GPBP1L1: variants seen among roughly 807,000 people sequenced by gnomAD.
GPBP1L1 encodes vasculin-like protein 1.
In GPBP1L1, 23 loss-of-function variants were observed where a neutral mutation model predicts 52.5. The ratio of observed to expected loss-of-function variants is 0.44; its 90% CI spans 0.32 to 0.62. GPBP1L1 has a LOEUF of 0.62. Ranked by LOEUF, GPBP1L1 falls within the 20% of genes least tolerant of loss-of-function variation. The probability of loss-of-function intolerance (pLI) is 0.06; values close to 1 mark genes in which losing one functional copy is unlikely to be tolerated. For missense variants in GPBP1L1, 596 were observed against 579.3 expected (o/e 1.03, Z -0.30); for synonymous variants, 243 against 203.1 (o/e 1.20, Z -1.67).
chr1:45,663,050 C>CAAA (rs66502921), intron 2 of GPBP1L1, among the ~76,000 whole-genome samples: 7 of 117,222 alleles, frequency 6.0e-5, no homozygotes, highest in South Asian at 3.2e-4. Context: ...GACTCTGTCT[C>CAAA]AAAAAAAAAA....
chr1:45,649,217 TTGA>T (rs1480322756), intron 6 of GPBP1L1, among the ~76,000 whole-genome samples: 1 of 152,216 alleles, frequency 6.6e-6, no homozygotes, highest in African/African-American at 2.4e-5. Flanking sequence ...GTTGCAGGAC[TTGA>T]TGCCACTTAC....
intron 8 of GPBP1L1, chr1:45,634,940 A>G (rs1486141053): frequency 6.6e-6 from 1 of 152,222 alleles, no homozygotes; most frequent in Non-Finnish European, 1.5e-5. Flanking sequence ...AGCAAATGAA[A>G]AACTTCCAAC....
chr1:45,675,196 C>CTGAG (rs1645124353), intron 2 of GPBP1L1, among the ~76,000 whole-genome samples: 1 of 152,002 alleles, frequency 6.6e-6, no homozygotes, highest in Non-Finnish European at 1.5e-5. Flanking sequence ...ACTTGGGAGG[C>CTGAG]TGAGGCAGGA....
intron 6 of GPBP1L1, among the ~76,000 whole-genome samples, chr1:45,642,986 C>A (rs954969695): frequency 6.6e-6 from 1 of 151,958 alleles, no homozygotes; most frequent in Non-Finnish European, 1.5e-5. Flanking sequence ...TGTCTTCACA[C>A]GGGTCACAGT....
At position 45,641,119 on chromosome 1, in the gene GPBP1L1, CCT is replaced by C. The variant is rs138551680; in HGVS notation, c.551-718_551-717del. 3.0e-3 allele frequency among the ~76,000 whole-genome samples: 458 copies of C among 152,174 alleles called. 3 individuals carry two copies. Among genetic ancestry groups the C allele is most frequent in the East Asian group, 0.022 (115 of 5,180 alleles). On this transcript the variant is annotated intron_variant, in intron 7 of 12. Transcript: ENST00000355105. The stretch of plus-strand genomic sequence containing the variant: ...CAGGGATTGGAGTCTGCCATGAAAC[CCT>C]CTGATGAGGCAAACTGGAGCAAAGG...
At chr1:45,632,355 A>G (rs1195632816) in intron 10 of GPBP1L1, among the ~76,000 whole-genome samples, 1 of 152,056 alleles carries the variant, frequency 6.6e-6, no homozygotes, top group Non-Finnish European at 1.5e-5. Context: ...GTAAGCTGAG[A>G]TTGCTCCATT....
chr1:45,684,594 C>T (rs545955296), intron 2 of GPBP1L1, among the ~76,000 whole-genome samples: 2 of 151,972 alleles, frequency 1.3e-5, no homozygotes, highest in Non-Finnish European at 2.9e-5. Context: ...AGAGTTCCCC[C>T]CACACCACAA....
At chr1:45,674,027 G>A (rs1400538668) in intron 2 of GPBP1L1, among the ~76,000 whole-genome samples, 4 of 152,160 alleles carry the variant, frequency 2.6e-5, no homozygotes, top group Admixed American at 6.5e-5. Flanking sequence ...GCAGTGAGCC[G>A]AGATTGTGCC....
intron 3 of GPBP1L1, among the ~76,000 whole-genome samples, chr1:45,659,597 A>G (rs957818300): frequency 1.3e-5 from 2 of 152,226 alleles, no homozygotes; most frequent in Non-Finnish European, 2.9e-5. Context: ...ACACTTATGA[A>G]AAGAGATTAA....
At chr1:45,649,251 A>C (rs2148459143) in intron 6 of GPBP1L1, among the ~76,000 whole-genome samples, 1 of 152,324 alleles carries the variant, frequency 6.6e-6, no homozygotes, top group African/African-American at 2.4e-5. Context: ...GTATTTCCTT[A>C]AAAGGATATC....
intron 6 of GPBP1L1, among the ~76,000 whole-genome samples, chr1:45,643,856 G>A (rs1225404377): frequency 1.3e-5 from 2 of 151,926 alleles, no homozygotes; most frequent in Non-Finnish European, 2.9e-5. Context: ...TTTTAGTACA[G>A]ACAGGGTTTC....
intron 6 of GPBP1L1, among the ~76,000 whole-genome samples, chr1:45,654,059 A>G (rs1394196549): frequency 6.6e-6 from 1 of 152,162 alleles, no homozygotes; most frequent in Non-Finnish European, 1.5e-5. Context: ...TGAAAATGCT[A>G]CCTTTGATTT....
intron 8 of GPBP1L1, among the ~76,000 whole-genome samples, chr1:45,636,287 G>C (rs995641859): frequency 2.0e-5 from 3 of 152,012 alleles, no homozygotes; most frequent in Non-Finnish European, 2.9e-5. Context: ...CTTTTCAATG[G>C]ATGTAAGTAT....
chr1:45,648,357 T>C (rs1644778389), intron 6 of GPBP1L1, among the ~76,000 whole-genome samples: 1 of 152,238 alleles, frequency 6.6e-6, no homozygotes, highest in Non-Finnish European at 1.5e-5. Context: ...CAAACTACTG[T>C]GTGGTTTGAA....
chr1:45,655,050 G>T, intron 5 of GPBP1L1, 140 bp downstream of exon 5: 3 of 1,100,716 alleles, frequency 2.7e-6, no homozygotes, highest in Non-Finnish European at 4.0e-6. Flanking sequence ...CAATGTAGTT[G>T]CGTAATGACT....
At chr1:45,668,099 C>T (rs781652354) in intron 2 of GPBP1L1, among the ~76,000 whole-genome samples, 1 of 152,082 alleles carries the variant, frequency 6.6e-6, no homozygotes, top group South Asian at 2.1e-4. Flanking sequence ...CCTCACTCAC[C>T]CATTTATTCC....
upstream of GPBP1L1, chr1:45,687,249 C>T (rs1313219187): frequency 1.3e-5 from 2 of 152,312 alleles, no homozygotes; most frequent in Admixed American, 6.5e-5. Context: ...GCGACAGTGC[C>T]GTTTCTCCTA....
intron 6 of GPBP1L1, among the ~76,000 whole-genome samples, chr1:45,648,054 C>G (rs980993507): frequency 2.0e-5 from 3 of 152,150 alleles, no homozygotes; most frequent in Admixed American, 6.5e-5. Context: ...AATCCTCCCA[C>G]CTCAGCCCCC....
intron 2 of GPBP1L1, among the ~76,000 whole-genome samples, chr1:45,679,882 T>C (rs1383759612): frequency 8.3e-6 from 1 of 120,294 alleles, no homozygotes; most frequent in African/African-American, 3.2e-5. Context: ...TGAGAGACTC[T>C]TATCTATACA....
Sources: allele counts gnomAD v4.1 joint callset (sites outside exome capture counted in the v4.1 genomes callset), GRCh38; gene constraint gnomAD v4.1.1; transcripts MANE v1.5; gene names NCBI Gene and HGNC (gene_info 2026-07-23, HGNC 2026-07-21).